The following CNTN4 variants were observed in gnomAD, a reference collection of about 807,000 sequenced individuals.
CNTN4 encodes the protein contactin-4.
Under a neutral mutation model 122.5 loss-of-function variants are expected in CNTN4, and 77 were observed. The observed-to-expected ratio is 0.63, with a 90% CI of 0.52 to 0.76. The LOEUF is 0.76. Ranked by LOEUF, CNTN4 falls within the 30% of genes least tolerant of loss-of-function variation. The pLI, the probability that CNTN4 is intolerant of heterozygous loss-of-function variation, is 0.00. For synonymous variants in CNTN4, 512 were observed against 447.0 expected (o/e 1.15, Z -1.83); for missense variants, 1,256 against 1,259.1 (o/e 1.00, Z 0.04).
intron 2 of CNTN4, among the ~76,000 whole-genome samples, chr3:2,195,392 A>C (rs529212038): frequency 6.6e-6 from 1 of 152,330 alleles, no homozygotes; most frequent in African/African-American, 2.4e-5. Context: ...ACGGGAGTGA[A>C]GATGTTCCTT....
intron 3 of CNTN4, among the ~76,000 whole-genome samples, chr3:2,435,258 T>C (rs1337266493): frequency 6.6e-6 from 1 of 152,158 alleles, no homozygotes; most frequent in Non-Finnish European, 1.5e-5. Context: ...ACCTCCCTTA[T>C]ATACCAACAT....
At chr3:3,006,753 T>G (rs1215139424) in intron 14 of CNTN4, among the ~76,000 whole-genome samples, 1 of 152,164 alleles carries the variant, frequency 6.6e-6, no homozygotes, top group Non-Finnish European at 1.5e-5. Flanking sequence ...CTCCAGACGT[T>G]CTTAGCAGCT....
chr3:2,259,808 C>G (rs549429372), intron 2 of CNTN4, among the ~76,000 whole-genome samples: 59 of 152,284 alleles, frequency 3.9e-4, no homozygotes, highest in African/African-American at 1.4e-3. Context: ...CAAATGATAT[C>G]AGCTCGTGAG....
At chr3:2,578,018 A>G (rs2079771398) in intron 4 of CNTN4, among the ~76,000 whole-genome samples, 1 of 152,168 alleles carries the variant, frequency 6.6e-6, no homozygotes, top group South Asian at 2.1e-4. Flanking sequence ...CATGTAGTGG[A>G]GAAAGATCCT....
chr3:2,290,717 T>G (rs1447735100), intron 2 of CNTN4, among the ~76,000 whole-genome samples: 1 of 152,204 alleles, frequency 6.6e-6, no homozygotes, highest in Non-Finnish European at 1.5e-5. Flanking sequence ...AGGAAGCCAT[T>G]GAAGAGTTTA....
chr3:2,975,210 A>G (rs542731954), intron 13 of CNTN4, among the ~76,000 whole-genome samples: 4 of 152,318 alleles, frequency 2.6e-5, no homozygotes, highest in African/African-American at 7.2e-5. Flanking sequence ...AAAAAGAACT[A>G]TTTAATTATA....
intron 2 of CNTN4, among the ~76,000 whole-genome samples, chr3:2,301,176 A>ATGCAC (rs2042504056): frequency 6.6e-6 from 1 of 152,206 alleles, no homozygotes; most frequent in Non-Finnish European, 1.5e-5. Flanking sequence ...CACATCACAG[A>ATGCAC]TGCACTGTTA....
At chr3:2,451,278 C>T (rs968563995) in intron 3 of CNTN4, among the ~76,000 whole-genome samples, 1 of 151,998 alleles carries the variant, frequency 6.6e-6, no homozygotes, top group African/African-American at 2.4e-5. Flanking sequence ...GGCGACATTA[C>T]TAGCACTCTA....
At chr3:2,246,296 C>A (rs2040145445) in intron 2 of CNTN4, among the ~76,000 whole-genome samples, 1 of 151,986 alleles carries the variant, frequency 6.6e-6, no homozygotes, top group Non-Finnish European at 1.5e-5. Flanking sequence ...TTTACTTATT[C>A]ATTCAGCAAA....
intron 6 of CNTN4, among the ~76,000 whole-genome samples, chr3:2,774,036 A>G (rs1436933095): frequency 1.3e-5 from 2 of 152,158 alleles, no homozygotes; most frequent in Non-Finnish European, 2.9e-5. Context: ...CTGGCATTAC[A>G]GGCATAAGCC....
At chr3:2,118,840 ATGCCTTTGCATC>A (rs1270718397) in intron 2 of CNTN4, among the ~76,000 whole-genome samples, 3 of 152,228 alleles carry the variant, frequency 2.0e-5, no homozygotes, top group African/African-American at 7.2e-5. Context: ...TTAAAAGTAC[ATGCCTTTGCATC>A]TTGTTATGAC....
intron 4 of CNTN4, among the ~76,000 whole-genome samples, chr3:2,680,184 T>C (rs549603303): frequency 6.6e-6 from 1 of 152,262 alleles, no homozygotes; most frequent in African/African-American, 2.4e-5. Context: ...GACTATAATA[T>C]GTGGTGTAAT....
At chr3:2,604,739 T>C (rs2081187941) in intron 4 of CNTN4, among the ~76,000 whole-genome samples, 1 of 152,154 alleles carries the variant, frequency 6.6e-6, no homozygotes, top group South Asian at 2.1e-4. Context: ...ACTTGATGTG[T>C]CTAGAGATAA....
intron 2 of CNTN4, among the ~76,000 whole-genome samples, chr3:2,327,805 A>G (rs1333302353): frequency 6.6e-6 from 1 of 152,148 alleles, no homozygotes; most frequent in Non-Finnish European, 1.5e-5. Flanking sequence ...CTGATTACTC[A>G]TGTAGAATCT....
rs570347093 is a variant in CNTN4 at position 2,918,131 on chromosome 3, T to C, written c.1208-7498T>C. ...CTGCAAAACTGTTTCTGGTGCTTTA[T>C]TGAAAGAGCATGATAAGCAAGATAT... On this transcript the variant is annotated intron_variant, in intron 12 of 24. Transcript: ENST00000418658. 3.9e-5 allele frequency among the ~76,000 whole-genome samples: 6 copies of C among 152,330 alleles called. No individual in the cohort carries two copies. In the South Asian group the frequency reaches 1.2e-3, roughly 32 times the overall value.
intron 6 of CNTN4, among the ~76,000 whole-genome samples, chr3:2,816,738 T>C (rs889630147): frequency 6.8e-6 from 1 of 146,648 alleles, no homozygotes; most frequent in African/African-American, 2.5e-5. Flanking sequence ...GGAGAATCAC[T>C]TGAACCTGGG....
chr3:3,021,146 A>G (rs77131893), intron 14 of CNTN4, among the ~76,000 whole-genome samples: 1 of 152,220 alleles, frequency 6.6e-6, no homozygotes, highest in Non-Finnish European at 1.5e-5. Context: ...CTTTATCCCT[A>G]TTAAAGTTTG....
At position 2,554,157 on chromosome 3, in the gene CNTN4, A is replaced by T. The variant is rs189331625; in HGVS notation, c.-88-17259A>T. ...TAGGATACCAGTATGTATTCAAGTG[A>T]GCGAATAAAAATTCAGTTGTCTTTG... On this transcript the variant is annotated intron_variant, in intron 3 of 24. Transcript: ENST00000418658. Among the ~76,000 whole-genome samples the T allele has an allele frequency of 3.2e-4, 48 of 152,328 alleles. 1 individual carries two copies. Among genetic ancestry groups the T allele is most frequent in the Admixed American group, 3.1e-3 (48 of 15,294 alleles).
In CNTN4 at chr3:2,813,098, C is replaced by CCA. The variant is rs147568072; in HGVS notation, c.359-6375_359-6374dup. Reference sequence around the variant, plus strand: ...ATCCAGGAAACCATAAAGTGTGCATCCACACACACACACAGGGAGCAAATG... The same window carrying CCA: ...ATCCAGGAAACCATAAAGTGTGCATCCACACACACACACACAGGGAGCAAATG... On this transcript the variant is annotated intron_variant, in intron 6 of 24. Transcript: ENST00000418658. Among the ~76,000 whole-genome samples the CCA allele has an allele frequency of 3.9e-3, 588 of 151,402 alleles. 1 individual carries two copies. The highest frequency in any genetic ancestry group is 0.013 in the African/African-American group (542 of 41,384).
Sources: allele counts gnomAD v4.1 joint callset (sites outside exome capture counted in the v4.1 genomes callset), GRCh38; gene constraint gnomAD v4.1.1; transcripts MANE v1.5; gene names NCBI Gene and HGNC (gene_info 2026-07-23, HGNC 2026-07-21).